The following FER1L6 variants were observed in gnomAD, a reference collection of about 807,000 sequenced individuals.
FER1L6 encodes fer-1-like protein 6.
Under a neutral mutation model 219.2 loss-of-function variants are expected in FER1L6, and 177 were observed. The observed-to-expected ratio is 0.81, with a 90% CI of 0.71 to 0.91. The LOEUF (loss-of-function observed/expected upper bound fraction) is 0.91. Among genes scored for constraint, FER1L6 ranks in the 40% least tolerant of loss-of-function variants. The pLI is 0.00. For missense variants in FER1L6, 2,153 were observed against 2,259.9 expected (o/e 0.95, Z 0.96); for synonymous variants, 768 against 824.3 (o/e 0.93, Z 1.17).
intron 1 of FER1L6, among the ~76,000 whole-genome samples, chr8:123,866,091 A>G (rs1816833998): frequency 6.6e-6 from 1 of 151,952 alleles, no homozygotes; most frequent in South Asian, 2.1e-4. Context: ...GCCGCAATAA[A>G]CATACGTGTG....
At chr8:124,065,159 C>T (rs536298110) in intron 26 of FER1L6, among the ~76,000 whole-genome samples, 2 of 151,924 alleles carry the variant, frequency 1.3e-5, no homozygotes, top group South Asian at 2.1e-4. Context: ...TTTGGGAGGC[C>T]GAGGTGAGTA....
At chr8:124,083,379 T>C (rs1821655419) in intron 33 of FER1L6, among the ~76,000 whole-genome samples, 1 of 152,162 alleles carries the variant, frequency 6.6e-6, no homozygotes, top group South Asian at 2.1e-4. Context: ...ATGTCTTTAA[T>C]TCATGTTGAT....
At chr8:123,866,626 C>T (rs1816841919) in intron 1 of FER1L6, among the ~76,000 whole-genome samples, 1 of 152,130 alleles carries the variant, frequency 6.6e-6, no homozygotes, top group South Asian at 2.1e-4. Flanking sequence ...GCAAGGTTTC[C>T]TTGTCTCCAC....
rs1164442464 is a variant in FER1L6 at position 124,103,256 on chromosome 8, C to G, written c.5236C>G (p.Gln1746Glu). 1.2e-6 allele frequency: 2 copies of G among 1,614,048 alleles called. No individual in the cohort carries two copies. Among genetic ancestry groups the G allele is most frequent in the South Asian group, 2.2e-5 (2 of 91,072 alleles). ...TGAGGAGACCAAGATCTCTATATTCCAGCAAAAACGTGTGCGTGGCTGGTG... is the reference window on the plus strand; with the variant it reads ...TGAGGAGACCAAGATCTCTATATTCGAGCAAAAACGTGTGCGTGGCTGGTG... ...ASEETKISIF[Q>E]QKRVRGWWPF... is the part of the protein sequence containing the mutation. Residue 1746 changes from glutamine (Q) to glutamate (E), a missense_variant, in exon 39 of 41, where the codon CAG becomes GAG. Coordinates refer to ENST00000522917, the MANE Select transcript of FER1L6 (RefSeq NM_001039112.2).
At chr8:124,039,475 T>G (rs4242353) in intron 19 of FER1L6, among the ~76,000 whole-genome samples, 130,605 of 152,162 alleles carry the variant, frequency 0.86, 56,274 homozygotes, top group African/African-American at 0.91. Context: ...GGAGTAAAAT[T>G]TGATATTTTA....
intron 9 of FER1L6, 109 bp downstream of exon 9, chr8:123,976,193 C>A: frequency 1.0e-6 from 1 of 968,710 alleles, no homozygotes; most frequent in Non-Finnish European, 1.5e-6. Flanking sequence ...GCCTTGAAAG[C>A]AAAAGCTTGT....
At chr8:124,081,910 C>A (rs1001157962) in intron 32 of FER1L6, among the ~76,000 whole-genome samples, 8 of 152,080 alleles carry the variant, frequency 5.3e-5, no homozygotes, top group Non-Finnish European at 1.0e-4. Flanking sequence ...AATATGGAGG[C>A]TAAGAGGAAT....
In FER1L6 at chr8:123,980,542, C is replaced by T; in HGVS notation, c.1141C>T (p.Gln381Ter). ...PRNHSLMDDY[Q>*]EMNEGFGEGV... Reference sequence around the variant, plus strand: ...GAACCACAGTCTGATGGATGACTACCAGGAAATGAACGAAGGCTTTGGGGA... The same window carrying T: ...GAACCACAGTCTGATGGATGACTACTAGGAAATGAACGAAGGCTTTGGGGA... The change falls in exon 11 of 41, where the codon CAG (glutamine) becomes TAG (stop). Residue 381 changes from glutamine (Q) to a stop codon, truncating the protein, a stop_gained. Transcript: ENST00000522917. LOFTEE classifies it high-confidence loss of function. The T allele has an allele frequency of 5.6e-6, 9 of 1,614,124 alleles. No homozygotes were observed. The highest frequency in any genetic ancestry group is 7.6e-6 in the Non-Finnish European group (9 of 1,180,006).
chr8:123,927,335 C>T (rs530922917), intron 1 of FER1L6, among the ~76,000 whole-genome samples: 10 of 152,144 alleles, frequency 6.6e-5, no homozygotes, highest in Non-Finnish European at 1.5e-4. Context: ...AATGCAATCG[C>T]TAGGTAAGGC....
rs141164874 is a variant in FER1L6, at chr8:124,091,478, C to A, written c.4447C>A (p.Leu1483Ile). ...CAAACCCACCGAAATCCTCACTAAGCTCTGCAAAGACAACAAGCTGGATGG... is the reference window on the plus strand; with the variant it reads ...CAAACCCACCGAAATCCTCACTAAGATCTGCAAAGACAACAAGCTGGATGG... Reference protein sequence around the residue: ...TSKPTEILTKLCKDNKLDGPY... With the variant: ...TSKPTEILTKICKDNKLDGPY... Residue 1483 changes from leucine (L) to isoleucine (I), a missense_variant, in exon 34 of 41, where the codon CTC becomes ATC. Transcript: ENST00000522917. 2,398 of 1,613,926 alleles carry A rather than the reference C, an allele frequency of 1.5e-3. 4 individuals carry two copies. The highest frequency in any genetic ancestry group is 4.6e-3 in the Middle Eastern group (28 of 6,062).
chr8:123,975,851 T>A lies in FER1L6; in HGVS notation c.684-47T>A, dbSNP rs761154764. 1.3e-5 allele frequency: 19 copies of A among 1,462,710 alleles called. No homozygotes were observed. The African/African-American group carries it at 2.7e-4, about 21-fold the overall frequency. 90.6% of individuals were successfully genotyped at this position (1,462,710 alleles called of 1,614,324 possible). On this transcript the variant is annotated intron_variant, in intron 8 of 40. Transcript: ENST00000522917. ...AATTGCTCCTGTCTTTTCTCTCTGT[T>A]TCTTCAATTGAGAGAGCTTTTTCAT...
intron 1 of FER1L6, among the ~76,000 whole-genome samples, chr8:123,867,660 G>A (rs890429996): frequency 1.3e-5 from 2 of 152,164 alleles, no homozygotes; most frequent in Admixed American, 6.5e-5. Flanking sequence ...CCTGCAAAAT[G>A]CTCAGAATAG....
Position 123,853,433 on chromosome 8 carries a change from G to A in FER1L6, c.-8+1248G>A, listed in dbSNP as rs1289387611. 2.0e-5 allele frequency among the ~76,000 whole-genome samples: 3 copies of A among 152,272 alleles called. No homozygotes were observed. The highest frequency in any genetic ancestry group is 1.3e-4 in the Admixed American group (2 of 15,294). ...GCCTCCCAAAGTGCTGGGATTATAG[G>A]CGTGAGCCACCGTACCCGGCCTAAA... On this transcript the variant is annotated intron_variant, in intron 1 of 40. Transcript: ENST00000522917. The surrounding 1 kb of genome is among the most constrained non-coding windows in gnomAD (Gnocchi z 6.6).
chr8:123,990,368 C>T (rs1315026464), intron 12 of FER1L6, among the ~76,000 whole-genome samples: 7 of 152,278 alleles, frequency 4.6e-5, no homozygotes, highest in Non-Finnish European at 1.5e-5. Flanking sequence ...CCCTTTTCAC[C>T]ACATTCACGC....
In FER1L6 at chr8:123,881,434, C is replaced by T. The variant is rs117589534; in HGVS notation, c.-8+29249C>T. Among the ~76,000 whole-genome samples the T allele has an allele frequency of 5.7e-3, 864 of 152,270 alleles. 7 individuals carry two copies. Among genetic ancestry groups the T allele is most frequent in the Non-Finnish European group, 9.1e-3 (617 of 68,030 alleles). On this transcript the variant is annotated intron_variant, in intron 1 of 40. Coordinates refer to ENST00000522917, the MANE Select transcript of FER1L6 (RefSeq NM_001039112.2). Reference sequence around the variant, plus strand: ...TTCTAAGTTTGACTTTTCTTTAAGACTCTTGAGTACTGACTTATATGATAT... The same window carrying T: ...TTCTAAGTTTGACTTTTCTTTAAGATTCTTGAGTACTGACTTATATGATAT...
chr8:124,043,651 C>A (rs759066535), intron 20 of FER1L6, among the ~76,000 whole-genome samples: 1 of 151,874 alleles, frequency 6.6e-6, no homozygotes, highest in African/African-American at 2.4e-5. Context: ...GCGTGGATTT[C>A]GACTGAGGCA....
At chr8:124,006,086 AAACTGAGGCCATC>A (rs1817642147) in intron 13 of FER1L6, among the ~76,000 whole-genome samples, 1 of 152,198 alleles carries the variant, frequency 6.6e-6, no homozygotes, top group African/African-American at 2.4e-5. Context: ...TTCATTCTCA[AAACTGAGGCCATC>A]AGTGAGGGAA....
chr8:124,087,534 T>C (rs1051191076), intron 33 of FER1L6, among the ~76,000 whole-genome samples: 1 of 152,186 alleles, frequency 6.6e-6, no homozygotes, highest in Admixed American at 6.5e-5. Flanking sequence ...ATTCTCTGTA[T>C]GAAAGGAAAC....
At chr8:123,869,046 C>T (rs1816882724) in intron 1 of FER1L6, among the ~76,000 whole-genome samples, 1 of 151,982 alleles carries the variant, frequency 6.6e-6, no homozygotes, top group Non-Finnish European at 1.5e-5. Context: ...TATGTGCTTG[C>T]TTAAGGTGAC....
Sources: gnomAD v4.1 joint callset for allele counts (sites outside exome capture counted in the v4.1 genomes callset) on GRCh38, gnomAD v4.1.1 for gene constraint, Gnocchi (gnomAD v3.1) non-coding constraint, MANE v1.5 for transcripts, NCBI Gene and HGNC (gene_info 2026-07-23, HGNC 2026-07-21) for gene names.